Variants in CSRNP3 observed in about 807,000 individuals in gnomAD.
CSRNP3 encodes the protein cysteine/serine-rich nuclear protein 3.
A neutral mutation model predicts 48.0 loss-of-function variants in CSRNP3; 12 were observed. The observed-to-expected ratio is 0.25, with a 90% CI of 0.16 to 0.41. The LOEUF (loss-of-function observed/expected upper bound fraction) is 0.41, where lower values mean the gene tolerates loss of function less well. Among genes scored for constraint, CSRNP3 ranks in the 10% least tolerant of loss-of-function variants. The pLI is 1.00. For missense variants in CSRNP3, 580 were observed against 724.4 expected (o/e 0.80, Z 2.29); for synonymous variants, 263 against 269.7 (o/e 0.98, Z 0.24).
intron 5 of CSRNP3, among the ~76,000 whole-genome samples, chr2:165,662,576 T>A (rs181564760): frequency 2.2e-4 from 34 of 152,362 alleles, no homozygotes. Context: ...TTTCATCATC[T>A]GCACCACATT....
chr2:165,500,401 A>G (rs539433125), intron 2 of CSRNP3, among the ~76,000 whole-genome samples: 34 of 143,460 alleles, frequency 2.4e-4, no homozygotes, highest in African/African-American at 7.9e-4. Flanking sequence ...ATGTATACAT[A>G]TATGTATACA....
At chr2:165,511,672 G>A (rs1428372693) in intron 2 of CSRNP3, among the ~76,000 whole-genome samples, 3 of 152,102 alleles carry the variant, frequency 2.0e-5, no homozygotes. Flanking sequence ...TGAGGAGGTG[G>A]GAAGGAATGT....
At chr2:165,589,755 G>A (rs1685687651) in intron 3 of CSRNP3, among the ~76,000 whole-genome samples, 1 of 152,038 alleles carries the variant, frequency 6.6e-6, no homozygotes, top group Admixed American at 6.6e-5. Flanking sequence ...TCTCATTCTT[G>A]GGGAGGTGAG....
chr2:165,525,307 C>G (rs1194239175), intron 3 of CSRNP3, among the ~76,000 whole-genome samples: 1 of 151,990 alleles, frequency 6.6e-6, no homozygotes, highest in African/African-American at 2.4e-5. Context: ...AAATATTCTG[C>G]ATAAAAATCC....
intron 4 of CSRNP3, 32 bp downstream of exon 4, chr2:165,595,245 G>T: frequency 6.4e-7 from 1 of 1,571,750 alleles, no homozygotes; most frequent in Non-Finnish European, 8.7e-7. Context: ...GAAGTCAATT[G>T]TCTGGTTCTA....
At chr2:165,602,298 A>C (rs993702621) in intron 4 of CSRNP3, among the ~76,000 whole-genome samples, 2 of 152,164 alleles carry the variant, frequency 1.3e-5, no homozygotes, top group African/African-American at 4.8e-5. Flanking sequence ...CAAGCAGGAA[A>C]GGAAGCAGCA....
chr2:165,484,664 T>A (rs1251504835), intron 1 of CSRNP3, among the ~76,000 whole-genome samples: 1 of 152,208 alleles, frequency 6.6e-6, no homozygotes, highest in Non-Finnish European at 1.5e-5. Context: ...ATAAAGAATG[T>A]TCATAATAAC....
At chr2:165,628,367 C>A (rs1222888829) in intron 4 of CSRNP3, among the ~76,000 whole-genome samples, 2 of 152,108 alleles carry the variant, frequency 1.3e-5, no homozygotes, top group African/African-American at 4.8e-5. Flanking sequence ...GCTTTCTGTA[C>A]TTATTATCTG....
chr2:165,537,341 T>C (rs1041298914), intron 3 of CSRNP3, among the ~76,000 whole-genome samples: 1 of 150,360 alleles, frequency 6.7e-6, no homozygotes, highest in Admixed American at 6.7e-5. Context: ...GGTAAAGACA[T>C]TCAGAGAGTG....
intron 3 of CSRNP3, among the ~76,000 whole-genome samples, chr2:165,524,765 TAATTA>T (rs1353747618): frequency 6.6e-6 from 1 of 152,262 alleles, no homozygotes; most frequent in Non-Finnish European, 1.5e-5. Context: ...CATGTATCAA[TAATTA>T]TTTCCTTAGT....
At position 165,682,208 on chromosome 2, in the gene CSRNP3, G is replaced by A. The variant is rs529571893; in HGVS notation, c.*2455G>A. The A allele has an allele frequency of 7.2e-5, 11 of 151,948 alleles. No individual in the cohort carries two copies. Among genetic ancestry groups the A allele is most frequent in the African/African-American group, 2.7e-4 (11 of 41,460 alleles). 9.4% of individuals were successfully genotyped at this position (151,948 alleles called of 1,614,324 possible). A position where few individuals can be genotyped will look rare whatever the true frequency, so the allele number is the denominator to read the frequency against. ...TATGAAGCCTACTTTTTTATTTTTG[G>A]CTAGGTCTTTGTTTTCTAGCTTTGT... On this transcript the variant is annotated 3_prime_UTR_variant, in exon 7 of 7. Coordinates refer to ENST00000651982, the MANE Select transcript of CSRNP3 (RefSeq NM_001172173.2).
intron 3 of CSRNP3, among the ~76,000 whole-genome samples, chr2:165,541,408 A>G (rs948450719): frequency 2.0e-5 from 3 of 151,994 alleles, no homozygotes; most frequent in Admixed American, 1.3e-4. Context: ...AGGTCGTCCC[A>G]TAGGACACAG....
At chr2:165,549,189 T>C (rs930075534) in intron 3 of CSRNP3, among the ~76,000 whole-genome samples, 15 of 152,166 alleles carry the variant, frequency 9.9e-5, no homozygotes, top group African/African-American at 1.4e-4. Context: ...ATGATTTTAT[T>C]TATAATCTGT....
chr2:165,672,507 A>G (rs1252370236), intron 5 of CSRNP3, among the ~76,000 whole-genome samples: 1 of 152,162 alleles, frequency 6.6e-6, no homozygotes, highest in East Asian at 1.9e-4. Flanking sequence ...TGAGAAAAGT[A>G]TGGGAAAAAC....
chr2:165,544,814 C>T (rs139506977), intron 3 of CSRNP3, among the ~76,000 whole-genome samples: 18 of 152,132 alleles, frequency 1.2e-4, no homozygotes, highest in Non-Finnish European at 2.2e-4. Context: ...TGAGAGTCAT[C>T]GTCATGAAAA....
rs530965704 is a variant in CSRNP3, at chr2:165,687,839, T to C, written c.*8086T>C. On this transcript the variant is annotated 3_prime_UTR_variant, in exon 7 of 7. Transcript: ENST00000651982. ...AGCTTTCAAAGCCTTTTTTATCTGCTCAGAGTTGACACCCAACTCAGAGTC... is the reference window on the plus strand; with the variant it reads ...AGCTTTCAAAGCCTTTTTTATCTGCCCAGAGTTGACACCCAACTCAGAGTC... The C allele has an allele frequency of 2.2e-3, 342 of 152,148 alleles. 1 individual carries two copies. The highest frequency in any genetic ancestry group is 7.9e-3 in the African/African-American group (329 of 41,548). The allele number at this position is 152,148 out of a possible 1,614,324, so 9.4% of individuals were successfully genotyped here.
At chr2:165,472,267 C>G (rs1290972629) in intron 1 of CSRNP3, among the ~76,000 whole-genome samples, 1 of 151,852 alleles carries the variant, frequency 6.6e-6, no homozygotes, top group East Asian at 1.9e-4. Context: ...ACGTCCAAAC[C>G]ATGTTTCATT....
At chr2:165,571,509 A>G (rs1051223319) in intron 3 of CSRNP3, among the ~76,000 whole-genome samples, 1 of 152,012 alleles carries the variant, frequency 6.6e-6, no homozygotes, top group South Asian at 2.1e-4. Context: ...ATATTTGTAT[A>G]TATATTAATG....
intron 3 of CSRNP3, among the ~76,000 whole-genome samples, chr2:165,573,167 TG>T (rs1685398172): frequency 6.6e-6 from 1 of 152,102 alleles, no homozygotes; most frequent in African/African-American, 2.4e-5. Flanking sequence ...ATTTGTTGTG[TG>T]CTTTTAATTT....
Sources: allele counts gnomAD v4.1 joint callset (sites outside exome capture counted in the v4.1 genomes callset), GRCh38; gene constraint gnomAD v4.1.1; transcripts MANE v1.5; gene names NCBI Gene and HGNC (gene_info 2026-07-23, HGNC 2026-07-21).